BRD1: variants seen among roughly 807,000 people sequenced by gnomAD.
The protein encoded by BRD1 is bromodomain containing 1, also known as bromodomain-containing protein 1.
Under a neutral mutation model 107.7 loss-of-function variants are expected in BRD1, and 24 were observed. The ratio of observed to expected loss-of-function variants is 0.22; its 90% confidence interval spans 0.16 to 0.31. The LOEUF is 0.31. BRD1 is among the 10% of genes least tolerant of loss of function. BRD1 has a pLI of 1.00. For synonymous variants in BRD1, 744 were observed against 686.1 expected (o/e 1.08, Z -1.32); for missense variants, 1,279 against 1,638.6 (o/e 0.78, Z 3.79).
At chr22:49,827,055 G>C (rs2060154587) in intron 1 of BRD1, among the ~76,000 whole-genome samples, 1 of 152,008 alleles carries the variant, frequency 6.6e-6, no homozygotes. Context: ...CCTGCTCACA[G>C]GGAGTTCCCG....
intron 2 of BRD1, among the ~76,000 whole-genome samples, chr22:49,816,460 A>C (rs2059954204): frequency 6.6e-6 from 1 of 152,158 alleles, no homozygotes; most frequent in African/African-American, 2.4e-5. Context: ...CCACCCTCTG[A>C]GGACGGCTGT....
At chr22:49,800,143 T>C (rs568131712) in intron 3 of BRD1, among the ~76,000 whole-genome samples, 46 of 152,214 alleles carry the variant, frequency 3.0e-4, no homozygotes, top group African/African-American at 7.9e-4. Flanking sequence ...GGTACTGTCA[T>C]AGCTTTTCAA....
chr22:49,811,381 C>T (rs1601712129), intron 2 of BRD1, among the ~76,000 whole-genome samples: 1 of 152,190 alleles, frequency 6.6e-6, no homozygotes, highest in South Asian at 2.1e-4. Context: ...GTACACTTCA[C>T]ATGGGTAAAT....
rs940107443 is a variant in BRD1, at chr22:49,792,081, G to A, written c.2359+1953C>T. Among the ~76,000 whole-genome samples the A allele has an allele frequency of 1.3e-4, 20 of 152,064 alleles. No individual in the cohort carries two copies. The highest frequency in any genetic ancestry group is 1.2e-3 in the Admixed American group (19 of 15,260). On this transcript the variant is annotated intron_variant, in intron 7 of 12. Coordinates refer to ENST00000404760, the MANE Select transcript of BRD1 (RefSeq NM_001304808.3). The surrounding 1 kb of genome is among the most constrained non-coding windows in gnomAD (Gnocchi z 4.2). ...GAGGGCCAAGCAGCTCCAACCATGC[G>A]AGGTCCTCAACCATGCGAGGTCCTC... is the stretch of plus-strand genomic sequence containing the variant.
chr22:49,816,542 A>G (rs2059956065), intron 2 of BRD1, among the ~76,000 whole-genome samples: 1 of 152,184 alleles, frequency 6.6e-6, no homozygotes, highest in African/African-American at 2.4e-5. Flanking sequence ...CCCCAGAAAA[A>G]GTTCCAGAAT....
chr22:49,798,706 C>T lies in BRD1; in HGVS notation c.1657-20G>A. ...CTTCACCTGGGGGGGCCCAGCAGAGCCTCAGCTTTAGGGAGCCGCACATGC... is the reference window on the plus strand; with the variant it reads ...CTTCACCTGGGGGGGCCCAGCAGAGTCTCAGCTTTAGGGAGCCGCACATGC... On this transcript the variant is annotated intron_variant, in intron 4 of 12. Transcript: ENST00000404760. 2 of 1,577,590 alleles carry T rather than the reference C, an allele frequency of 1.3e-6. No individual in the cohort carries two copies. Among genetic ancestry groups the T allele is most frequent in the South Asian group, 1.1e-5 (1 of 87,594 alleles).
chr22:49,827,853 C>A lies in BRD1; in HGVS notation c.-371G>T, dbSNP rs2060163493. ...TCCAGGGCCGGGTCGCTCGCTCGCT[C>A]CCCAGCGAAGCAAACAATGCGGCGA... On this transcript the variant is annotated 5_prime_UTR_variant, in exon 1 of 13. Coordinates refer to ENST00000404760, the MANE Select transcript of BRD1 (RefSeq NM_001304808.3). Among the ~76,000 whole-genome samples, 1 of 146,296 alleles carries A rather than the reference C, an allele frequency of 6.8e-6. No homozygotes were observed. The highest frequency in any genetic ancestry group is 2.5e-5 in the African/African-American group (1 of 40,678).
intron 7 of BRD1, 42 bp downstream of exon 7, chr22:49,793,991 GC>G: frequency 6.3e-7 from 1 of 1,581,608 alleles, no homozygotes. Flanking sequence ...CTGAGCCTGA[GC>G]CGTGACGGCA....
chr22:49,803,340 A>C lies in BRD1; in HGVS notation c.1524+864T>G, dbSNP rs1438700992. Among the ~76,000 whole-genome samples the C allele has an allele frequency of 6.6e-6, 1 of 152,246 alleles. No individual in the cohort carries two copies. Among genetic ancestry groups the C allele is most frequent in the East Asian group, 1.9e-4 (1 of 5,196 alleles). Reference sequence around the variant, plus strand: ...AGCAGGATGGTTTCGCTTCGTGCCCAGGATGGCAGTGAAAAGCACCATGAG... The same window carrying C: ...AGCAGGATGGTTTCGCTTCGTGCCCCGGATGGCAGTGAAAAGCACCATGAG... On this transcript the variant is annotated intron_variant, in intron 3 of 12. Coordinates refer to ENST00000404760, the MANE Select transcript of BRD1 (RefSeq NM_001304808.3). This position sits in a 1 kb window ranked among gnomAD's most constrained non-coding sequence, Gnocchi z 4.4.
In BRD1 at chr22:49,775,824, C is replaced by CCCGCAGCTGTGTGA. The variant is rs879766434; in HGVS notation, c.3232-80_3232-79insTCACACAGCTGCGG. 1.3e-3 allele frequency: 1,617 copies of CCCGCAGCTGTGTGA among 1,282,210 alleles called. 39 individuals are homozygous for CCCGCAGCTGTGTGA. In the East Asian group the frequency reaches 0.015, roughly 12 times the overall value. The allele number at this position is 1,282,210 out of a possible 1,614,324, so 79.4% of individuals were successfully genotyped here. On this transcript the variant is annotated intron_variant, in intron 11 of 12. Transcript: ENST00000404760. ...CCCACCTGTCACTGGCACCCCCCCC[C>CCCGCAGCTGTGTGA]GCCTCCCCACCCCAGCTGTGTGAGC... is the stretch of plus-strand genomic sequence containing the variant.
At chr22:49,826,855 C>T (rs1053510336) in intron 1 of BRD1, among the ~76,000 whole-genome samples, 1 of 152,232 alleles carries the variant, frequency 6.6e-6, no homozygotes, top group South Asian at 2.1e-4. Context: ...TCAGAACTCC[C>T]GCGTCCGCTC....
intron 8 of BRD1, among the ~76,000 whole-genome samples, chr22:49,780,522 C>T (rs965079361): frequency 1.2e-4 from 19 of 152,192 alleles, no homozygotes; most frequent in Non-Finnish European, 2.5e-4. Context: ...CTGGGGGCTG[C>T]GGCAGTGCGG....
intron 2 of BRD1, among the ~76,000 whole-genome samples, chr22:49,821,763 T>C (rs1294113758): frequency 6.6e-6 from 1 of 152,186 alleles, no homozygotes; most frequent in East Asian, 1.9e-4. Context: ...GTGGGGCAGG[T>C]CTGACACCTC....
chr22:49,818,103 T>A, intron 2 of BRD1: 2 of 623,066 alleles, frequency 3.2e-6, no homozygotes, highest in Non-Finnish European at 4.1e-6. Context: ...CAGTTCATCC[T>A]TTTAAACTCA....
chr22:49,813,153 G>A (rs2059884700), intron 2 of BRD1, among the ~76,000 whole-genome samples: 1 of 152,198 alleles, frequency 6.6e-6, no homozygotes, highest in Non-Finnish European at 1.5e-5. Flanking sequence ...CACTTTCGGA[G>A]GCTGATGTGA....
rs2060162088 is a variant in BRD1, at chr22:49,827,768, G to T, written c.-286C>A. On this transcript the variant is annotated 5_prime_UTR_variant, in exon 1 of 13. Coordinates refer to ENST00000404760, the MANE Select transcript of BRD1 (RefSeq NM_001304808.3). ...CTCGGGGGGCCCGGCCGGCGGGCGCGGGCGCGGGCGCGGGAGCGGGCGGCG... is the reference window on the plus strand; with the variant it reads ...CTCGGGGGGCCCGGCCGGCGGGCGCTGGCGCGGGCGCGGGAGCGGGCGGCG... 1.4e-5 allele frequency among the ~76,000 whole-genome samples: 2 copies of T among 140,716 alleles called. No individual in the cohort carries two copies. The highest frequency in any genetic ancestry group is 1.4e-4 in the Admixed American group (2 of 14,432). 92.3% of individuals were successfully genotyped at this position (140,716 alleles called of 152,430 possible).
chr22:49,785,772 C>A (rs1422529201), intron 8 of BRD1, among the ~76,000 whole-genome samples: 1 of 152,226 alleles, frequency 6.6e-6, no homozygotes, highest in Non-Finnish European at 1.5e-5. Flanking sequence ...GCAAAATTTT[C>A]ATACAAATCA....
chr22:49,794,188 GC>G lies in BRD1; in HGVS notation c.2204del (p.Gly735AlafsTer21), dbSNP rs761865159. On this transcript the variant is annotated frameshift_variant, in exon 7 of 13. Coordinates refer to ENST00000404760, the MANE Select transcript of BRD1 (RefSeq NM_001304808.3). LOFTEE classifies it high-confidence loss of function. The part of the protein sequence containing the change: ...LDLTCAMKSS[G>X]SRSKRAKLLK... ...GCAGCTTTGCCCGCTTGCTCCGGGA[GC>G]CGCTGGACTTCATAGCGCAGGTGAG... is the stretch of plus-strand genomic sequence containing the variant. The G allele has an allele frequency of 6.2e-7, 1 of 1,614,250 alleles. No individual in the cohort carries two copies. The highest frequency in any genetic ancestry group is 1.7e-5 in the Admixed American group (1 of 60,032).
At chr22:49,815,911 G>A (rs1333846908) in intron 2 of BRD1, among the ~76,000 whole-genome samples, 1 of 152,204 alleles carries the variant, frequency 6.6e-6, no homozygotes, top group Non-Finnish European at 1.5e-5. Context: ...GTCAAGCACA[G>A]GGAGCTGCCA....
Sources: allele counts gnomAD v4.1 joint callset (sites outside exome capture counted in the v4.1 genomes callset), GRCh38; gene constraint gnomAD v4.1.1; non-coding constraint Gnocchi (gnomAD v3.1); transcripts MANE v1.5; gene names NCBI Gene and HGNC (gene_info 2026-07-23, HGNC 2026-07-21).